The following ENTHD1 variants were observed in gnomAD, a reference collection of about 807,000 sequenced individuals.
ENTHD1 encodes ENTH domain-containing protein 1.
Under a neutral mutation model 39.1 loss-of-function variants are expected in ENTHD1, and 23 were observed. The observed-to-expected ratio is 0.59, with a 90% CI of 0.42 to 0.83. The LOEUF is 0.83. ENTHD1 is among the 40% of genes least tolerant of loss of function. ENTHD1 has a pLI of 0.00. For missense variants in ENTHD1, 624 were observed against 705.4 expected (o/e 0.88, Z 1.31); for synonymous variants, 230 against 258.2 (o/e 0.89, Z 1.05).
At chr22:39,846,639 C>T (rs2065991483) in intron 3 of ENTHD1, among the ~76,000 whole-genome samples, 1 of 152,042 alleles carries the variant, frequency 6.6e-6, no homozygotes, top group South Asian at 2.1e-4. Context: ...TTAAGTCCTA[C>T]TCATCTGACA....
chr22:39,800,463 G>A (rs895957395), intron 5 of ENTHD1, among the ~76,000 whole-genome samples: 4 of 152,144 alleles, frequency 2.6e-5, no homozygotes, highest in African/African-American at 4.8e-5. Flanking sequence ...AGAATCCTGC[G>A]TGTCTAACCT....
At chr22:39,853,866 T>G (rs775337044) in intron 3 of ENTHD1, among the ~76,000 whole-genome samples, 45 of 152,216 alleles carry the variant, frequency 3.0e-4, no homozygotes, top group Non-Finnish European at 5.7e-4. Context: ...TGAGCCACTG[T>G]GCCTGGCCCA....
intron 6 of ENTHD1, chr22:39,751,138 T>C (rs2065144421): frequency 6.5e-6 from 1 of 153,560 alleles, no homozygotes; most frequent in African/African-American, 2.4e-5. Context: ...AAAAGATGAT[T>C]CATTTGAGAA....
intron 2 of ENTHD1, among the ~76,000 whole-genome samples, chr22:39,871,014 AAAAG>A (rs1328717569): frequency 6.6e-6 from 1 of 151,856 alleles, no homozygotes; most frequent in African/African-American, 2.4e-5. Context: ...CTCTACATTA[AAAAG>A]AAAGAAAGAA....
intron 5 of ENTHD1, among the ~76,000 whole-genome samples, chr22:39,783,832 G>A (rs1720245513): frequency 6.6e-6 from 1 of 152,138 alleles, no homozygotes; most frequent in Non-Finnish European, 1.5e-5. Flanking sequence ...TAGGACATGG[G>A]CCTGGGCAAA....
intron 6 of ENTHD1, among the ~76,000 whole-genome samples, chr22:39,762,494 C>G (rs2019266617): frequency 6.6e-6 from 1 of 151,920 alleles, no homozygotes. Context: ...CTGTGTCACC[C>G]AGGCTAAAGC....
chr22:39,749,424 T>C (rs149550217), intron 6 of ENTHD1, among the ~76,000 whole-genome samples: 67 of 152,390 alleles, frequency 4.4e-4, no homozygotes, highest in African/African-American at 1.6e-3. Flanking sequence ...TAACTTATTA[T>C]ACTCATAAAT....
intron 3 of ENTHD1, among the ~76,000 whole-genome samples, chr22:39,845,879 T>C (rs1450436868): frequency 1.3e-4 from 20 of 152,142 alleles, no homozygotes; most frequent in Non-Finnish European, 1.5e-5. Flanking sequence ...TGCGGCTTTT[T>C]TTTTCACTTT....
intron 3 of ENTHD1, among the ~76,000 whole-genome samples, chr22:39,837,760 G>A (rs2065916677): frequency 6.6e-6 from 1 of 152,196 alleles, no homozygotes; most frequent in Non-Finnish European, 1.5e-5. Flanking sequence ...TCCCCTGAGA[G>A]TAAAGCCAGG....
intron 3 of ENTHD1, among the ~76,000 whole-genome samples, chr22:39,844,946 G>C (rs1248519301): frequency 6.6e-6 from 1 of 152,078 alleles, no homozygotes; most frequent in Non-Finnish European, 1.5e-5. Context: ...CACAGGAATA[G>C]GATACATACC....
At chr22:39,882,679 C>G (rs2066347794) in intron 2 of ENTHD1, among the ~76,000 whole-genome samples, 1 of 152,096 alleles carries the variant, frequency 6.6e-6, no homozygotes, top group African/African-American at 2.4e-5. Flanking sequence ...ATGCCAAGAG[C>G]TACTCTTCTA....
intron 6 of ENTHD1, among the ~76,000 whole-genome samples, chr22:39,757,607 G>A (rs2065195344): frequency 6.6e-6 from 1 of 151,802 alleles, no homozygotes; most frequent in Non-Finnish European, 1.5e-5. Context: ...AATCCAGGAG[G>A]TAGAGGTTGC....
chr22:39,747,532 A>C (rs1019866273), intron 6 of ENTHD1, among the ~76,000 whole-genome samples: 2 of 152,136 alleles, frequency 1.3e-5, no homozygotes, highest in Admixed American at 6.5e-5. Flanking sequence ...GTATTATAGA[A>C]TTATGTTAAA....
In ENTHD1 at chr22:39,744,241, G is replaced by A. The variant is rs752651560; in HGVS notation, c.1262C>T (p.Ser421Phe). Residue 421 changes from serine (S) to phenylalanine (F), a missense_variant, in exon 7 of 7, where the codon TCC (serine) becomes TTC (phenylalanine). Coordinates refer to ENST00000325157, the MANE Select transcript of ENTHD1 (RefSeq NM_152512.4). ...SEGASSFSPL[S>F]MSSPDLASPE... is the part of the protein sequence containing the mutation. ...AGAGGCTAAATCAGGAGATGACATG[G>A]ATAAAGGAGAAAAGGAAGATGCTCC... The A allele has an allele frequency of 3.1e-6, 5 of 1,609,008 alleles. No homozygotes were observed. Among genetic ancestry groups the A allele is most frequent in the Non-Finnish European group, 4.2e-6 (5 of 1,178,462 alleles).
chr22:39,792,262 A>G (rs2065510684), intron 5 of ENTHD1, among the ~76,000 whole-genome samples: 1 of 151,958 alleles, frequency 6.6e-6, no homozygotes, highest in South Asian at 2.1e-4. Context: ...CAGTAGTGGG[A>G]TTGCTGGGCC....
intron 5 of ENTHD1, among the ~76,000 whole-genome samples, chr22:39,766,516 G>A (rs751160725): frequency 1.7e-4 from 26 of 152,288 alleles, no homozygotes; most frequent in Non-Finnish European, 2.8e-4. Flanking sequence ...AAGAAAGACC[G>A]TTATTTTTAT....
At chr22:39,746,640 A>G (rs945142273) in intron 6 of ENTHD1, among the ~76,000 whole-genome samples, 1 of 152,210 alleles carries the variant, frequency 6.6e-6, no homozygotes, top group Non-Finnish European at 1.5e-5. Flanking sequence ...CACTAATATC[A>G]GTATCTTTAG....
chr22:39,791,983 C>T (rs1036365096), intron 5 of ENTHD1, among the ~76,000 whole-genome samples: 2 of 151,944 alleles, frequency 1.3e-5, no homozygotes, highest in African/African-American at 2.4e-5. Flanking sequence ...TGAGAATATG[C>T]GGTATTTGGT....
chr22:39,853,317 G>A (rs1316984263), intron 3 of ENTHD1, among the ~76,000 whole-genome samples: 6 of 152,038 alleles, frequency 3.9e-5, no homozygotes, highest in Non-Finnish European at 8.8e-5. Flanking sequence ...CAGATCACAA[G>A]GTCAGGAGTT....
Sources: allele counts gnomAD v4.1 joint callset (sites outside exome capture counted in the v4.1 genomes callset), GRCh38; gene constraint gnomAD v4.1.1; transcripts MANE v1.5; gene names NCBI Gene and HGNC (gene_info 2026-07-23, HGNC 2026-07-21).